EXOC2: variants seen among roughly 807,000 people sequenced by gnomAD.
EXOC2 encodes the protein SEC5-like 1.
In EXOC2, 70 loss-of-function variants were observed where a neutral mutation model predicts 131.8. That is an observed-to-expected ratio of 0.53 (90% CI 0.44 to 0.65). The LOEUF (loss-of-function observed/expected upper bound fraction) is 0.65. Ranked by LOEUF, EXOC2 falls within the 30% of genes least tolerant of loss-of-function variation. The probability of loss-of-function intolerance (pLI) is 0.00; values close to 1 mark genes in which losing one functional copy is unlikely to be tolerated. For synonymous variants in EXOC2, 411 were observed against 398.4 expected (o/e 1.03, Z -0.38); for missense variants, 923 against 1,108.6 (o/e 0.83, Z 2.38).
intron 22 of EXOC2, among the ~76,000 whole-genome samples, chr6:547,009 T>C (rs1158453806): frequency 1.3e-5 from 2 of 152,238 alleles, no homozygotes; most frequent in Admixed American, 1.3e-4. Context: ...TGAGAAAATG[T>C]AATTTTGAGT....
chr6:685,612 G>A (rs1004641423), intron 1 of EXOC2, among the ~76,000 whole-genome samples: 2 of 152,170 alleles, frequency 1.3e-5, no homozygotes, highest in Admixed American at 1.3e-4. Flanking sequence ...AGCACACAGT[G>A]GGACAAGTCT....
chr6:562,658 C>T (rs1025772378), intron 17 of EXOC2, 126 bp downstream of exon 17: 61 of 550,140 alleles, frequency 1.1e-4, no homozygotes, highest in African/African-American at 8.8e-4. Context: ...GAGAAGAAAA[C>T]CTTTAAGAAG....
intron 23 of EXOC2, among the ~76,000 whole-genome samples, chr6:521,270 C>A (rs1382701967): frequency 5.8e-5 from 7 of 120,812 alleles, no homozygotes; most frequent in South Asian, 5.9e-4. Context: ...AGACGAAAAC[C>A]ACCACCCACC....
At chr6:643,966 T>C (rs1762470321) in intron 1 of EXOC2, among the ~76,000 whole-genome samples, 1 of 152,064 alleles carries the variant, frequency 6.6e-6, no homozygotes, top group South Asian at 2.1e-4. Context: ...TTACCCAAAC[T>C]AAACAAGATG....
At chr6:567,821 T>C (rs1281715058) in intron 13 of EXOC2, among the ~76,000 whole-genome samples, 1 of 152,162 alleles carries the variant, frequency 6.6e-6, no homozygotes, top group East Asian at 1.9e-4. Context: ...CTTAAGAAAG[T>C]GTAACTGCCC....
intron 23 of EXOC2, among the ~76,000 whole-genome samples, chr6:501,680 ATATC>A (rs1308335022): frequency 6.7e-5 from 8 of 119,538 alleles, no homozygotes; most frequent in Non-Finnish European, 1.3e-4. Flanking sequence ...AAAGATATAT[ATATC>A]TATAAAAGAT....
At chr6:656,623 G>T (rs747735316) in intron 1 of EXOC2, 8 of 1,603,896 alleles carry the variant, frequency 5.0e-6, no homozygotes, top group Non-Finnish European at 6.8e-6. Context: ...GAGGGGCGGC[G>T]CTTGTGGGTC....
rs1367640952 is a variant in EXOC2 at position 592,508 on chromosome 6, T to A, written c.1153A>T (p.Met385Leu). 6.2e-7 allele frequency: 1 copy of A among 1,614,078 alleles called. No individual in the cohort carries two copies. The highest frequency in any genetic ancestry group is 8.5e-7 in the Non-Finnish European group (1 of 1,179,988). ...GAQHKWILQL[M>L]HSCKEGYVKD... ...ACGTAGCCCTCTTTGCAACTGTGCA[T>A]GAGCTGAAGGATCCACTTGTGTTGG... Residue 385 changes from methionine (M) to leucine (L), a missense_variant, in exon 11 of 28, where the codon ATG (methionine) becomes TTG (leucine). Transcript: ENST00000230449.
At chr6:600,148 A>G (rs1001639316) in intron 7 of EXOC2, among the ~76,000 whole-genome samples, 1 of 152,220 alleles carries the variant, frequency 6.6e-6, no homozygotes, top group East Asian at 1.9e-4. Flanking sequence ...TCTAGAGCAC[A>G]CTGTGGGTGG....
intron 1 of EXOC2, among the ~76,000 whole-genome samples, chr6:686,314 A>G (rs1208026205): frequency 6.6e-6 from 1 of 152,202 alleles, no homozygotes; most frequent in Non-Finnish European, 1.5e-5. Flanking sequence ...CAAACAAAAA[A>G]ATACATGAAC....
chr6:587,465 C>T (rs987958360), intron 11 of EXOC2, among the ~76,000 whole-genome samples: 5 of 152,138 alleles, frequency 3.3e-5, no homozygotes, highest in Admixed American at 6.5e-5. Flanking sequence ...AGGATGGTCT[C>T]GATCTCCTGA....
chr6:638,206 A>G (rs1762191611), intron 1 of EXOC2, among the ~76,000 whole-genome samples: 1 of 152,118 alleles, frequency 6.6e-6, no homozygotes, highest in African/African-American at 2.4e-5. Flanking sequence ...CTACTGTTCT[A>G]CCCCCAGGGC....
intron 22 of EXOC2, among the ~76,000 whole-genome samples, chr6:538,425 G>A (rs1046010520): frequency 6.6e-6 from 1 of 152,130 alleles, no homozygotes; most frequent in Non-Finnish European, 1.5e-5. Context: ...CTGAGAGTGA[G>A]GAAGAAAGAT....
intron 6 of EXOC2, among the ~76,000 whole-genome samples, chr6:615,765 G>T (rs1206906949): frequency 1.3e-5 from 2 of 151,228 alleles, no homozygotes; most frequent in Non-Finnish European, 2.9e-5. Flanking sequence ...GGGTAAGAAA[G>T]GTGAGGGGAT....
intron 23 of EXOC2, 61 bp from the exon 24 acceptor site, chr6:499,761 G>A: frequency 3.0e-6 from 4 of 1,353,558 alleles, no homozygotes; most frequent in Non-Finnish European, 4.2e-6. Context: ...CCCCTCCCCT[G>A]CTGGCAGGCT....
intron 10 of EXOC2, among the ~76,000 whole-genome samples, chr6:593,611 T>C (rs956479833): frequency 1.3e-5 from 2 of 152,232 alleles, no homozygotes; most frequent in African/African-American, 2.4e-5. Flanking sequence ...TCACAAAATA[T>C]ATAAATATAG....
At chr6:590,176 G>A (rs904101992) in intron 11 of EXOC2, among the ~76,000 whole-genome samples, 1 of 151,406 alleles carries the variant, frequency 6.6e-6, no homozygotes, top group African/African-American at 2.4e-5. Flanking sequence ...GAGCTCTGCC[G>A]AACAGAGTAG....
At chr6:656,486 G>T in intron 1 of EXOC2, 1 of 1,609,294 alleles carries the variant, frequency 6.2e-7, no homozygotes, top group Non-Finnish European at 8.5e-7. Flanking sequence ...TGCTCGCGTC[G>T]GAGGCGCGCA....
chr6:649,366 G>A (rs985913335), intron 1 of EXOC2, among the ~76,000 whole-genome samples: 11 of 152,168 alleles, frequency 7.2e-5, no homozygotes, highest in African/African-American at 2.2e-4. Context: ...AATAATAAAC[G>A]TTGGGGGAAT....
Sources: allele counts gnomAD v4.1 joint callset (sites outside exome capture counted in the v4.1 genomes callset), GRCh38; gene constraint gnomAD v4.1.1; transcripts MANE v1.5; gene names NCBI Gene and HGNC (gene_info 2026-07-23, HGNC 2026-07-21).